The following TACR1 variants were observed in gnomAD, a reference collection of about 807,000 sequenced individuals.
The protein encoded by TACR1 is tachykinin receptor 1.
Under a neutral mutation model 35.8 loss-of-function variants are expected in TACR1, and 25 were observed. The ratio of observed to expected loss-of-function variants is 0.70; its 90% CI spans 0.51 to 0.98. TACR1 has a LOEUF of 0.98. TACR1 is among the 50% of genes least tolerant of loss of function. The pLI, the probability that TACR1 is intolerant of heterozygous loss-of-function variation, is 0.00. For missense variants in TACR1, 478 were observed against 522.9 expected, an observed-to-expected ratio of 0.91 and a Z score of 0.84; for synonymous variants, 195 against 206.7, an observed-to-expected ratio of 0.94 and a Z score of 0.48.
chr2:75,102,529 A>G (rs1050981233), intron 2 of TACR1, among the ~76,000 whole-genome samples: 6 of 152,164 alleles, frequency 3.9e-5, no homozygotes, highest in Non-Finnish European at 5.9e-5. Flanking sequence ...AAGACTTACT[A>G]TTTAAATCCT....
intron 2 of TACR1, among the ~76,000 whole-genome samples, chr2:75,098,737 G>A (rs1673471974): frequency 6.6e-6 from 1 of 152,098 alleles, no homozygotes; most frequent in Non-Finnish European, 1.5e-5. Flanking sequence ...AGCTAACCCA[G>A]TCTCTCCCAC....
intron 2 of TACR1, among the ~76,000 whole-genome samples, chr2:75,096,747 G>C (rs72918532): frequency 0.022 from 3,323 of 152,204 alleles, 113 homozygotes; most frequent in African/African-American, 0.075. Context: ...TTCTGTCAGT[G>C]ACCTTGCCTC....
At chr2:75,164,770 C>T (rs1675100426) in intron 1 of TACR1, among the ~76,000 whole-genome samples, 3 of 152,312 alleles carry the variant, frequency 2.0e-5, no homozygotes, top group South Asian at 2.1e-4. Flanking sequence ...CATTTGGGCT[C>T]CTGTCTCACC....
chr2:75,122,145 T>C (rs1673982748), intron 1 of TACR1, among the ~76,000 whole-genome samples: 1 of 152,180 alleles, frequency 6.6e-6, no homozygotes, highest in Non-Finnish European at 1.5e-5. Flanking sequence ...AGCAGTAGGA[T>C]AAGTGACCTC....
At chr2:75,181,279 G>C (rs1675551702) in intron 1 of TACR1, among the ~76,000 whole-genome samples, 1 of 151,814 alleles carries the variant, frequency 6.6e-6, no homozygotes, top group Non-Finnish European at 1.5e-5. Flanking sequence ...TAAAAATTGA[G>C]GGATCATTTT....
At chr2:75,172,309 G>A (rs1353839437) in intron 1 of TACR1, among the ~76,000 whole-genome samples, 1 of 152,150 alleles carries the variant, frequency 6.6e-6, no homozygotes, top group Non-Finnish European at 1.5e-5. Flanking sequence ...CCAAGTTTTT[G>A]AACCTAGAAA....
chr2:75,108,240 A>T, intron 2 of TACR1, among the ~76,000 whole-genome samples: 1 of 149,368 alleles, frequency 6.7e-6, no homozygotes, highest in East Asian at 1.9e-4. Context: ...AACAAATATT[A>T]CTTTTTGATA....
At chr2:75,066,909 A>G (rs543538097) in intron 2 of TACR1, among the ~76,000 whole-genome samples, 2 of 152,242 alleles carry the variant, frequency 1.3e-5, no homozygotes, top group Middle Eastern at 3.4e-3. Flanking sequence ...AGATTTTTCT[A>G]CCTCCCCAAG....
chr2:75,162,953 A>G (rs1445228369), intron 1 of TACR1, among the ~76,000 whole-genome samples: 3 of 152,240 alleles, frequency 2.0e-5, no homozygotes, highest in Non-Finnish European at 4.4e-5. Context: ...CTGGTCCCAT[A>G]AGAGATTATA....
At chr2:75,061,187 G>T (rs1672665679) in intron 2 of TACR1, among the ~76,000 whole-genome samples, 2 of 151,644 alleles carry the variant, frequency 1.3e-5, no homozygotes, top group African/African-American at 4.9e-5. Flanking sequence ...AATTCCAGGG[G>T]AGAGGCTGGA....
intron 1 of TACR1, among the ~76,000 whole-genome samples, chr2:75,160,797 A>G (rs1572968642): frequency 1.4e-5 from 1 of 69,526 alleles, no homozygotes; most frequent in Middle Eastern, 6.5e-3. Context: ...TCCTTAATGA[A>G]TAAAAGTTGG....
intron 2 of TACR1, among the ~76,000 whole-genome samples, chr2:75,095,405 C>A (rs969730120): frequency 6.6e-6 from 1 of 152,136 alleles, no homozygotes; most frequent in South Asian, 2.1e-4. Flanking sequence ...AGGGAATTCA[C>A]TGGAGGGTAA....
chr2:75,196,560 G>T (rs1180204183), intron 1 of TACR1, among the ~76,000 whole-genome samples: 1 of 152,170 alleles, frequency 6.6e-6, no homozygotes, highest in Non-Finnish European at 1.5e-5. Context: ...GTATCACAGA[G>T]GGTCGGGGCT....
At chr2:75,083,562 G>C (rs1261028893) in intron 2 of TACR1, among the ~76,000 whole-genome samples, 1 of 152,164 alleles carries the variant, frequency 6.6e-6, no homozygotes, top group Non-Finnish European at 1.5e-5. Flanking sequence ...CCATGAGCAT[G>C]GAATGTTCTT....
chr2:75,174,007 A>G (rs1675352734), intron 1 of TACR1, among the ~76,000 whole-genome samples: 1 of 152,140 alleles, frequency 6.6e-6, no homozygotes, highest in Admixed American at 6.5e-5. Flanking sequence ...GAACAAAACA[A>G]TCATTCTCTT....
At chr2:75,075,278 G>T (rs983910889) in intron 2 of TACR1, among the ~76,000 whole-genome samples, 8 of 152,180 alleles carry the variant, frequency 5.3e-5, no homozygotes, top group Admixed American at 5.2e-4. Flanking sequence ...CCAGGTGTTG[G>T]TATGGACATG....
chr2:75,198,266 G>T (rs1676040878), intron 1 of TACR1, among the ~76,000 whole-genome samples: 1 of 152,154 alleles, frequency 6.6e-6, no homozygotes, highest in Non-Finnish European at 1.5e-5. Flanking sequence ...GAAAGTGTCA[G>T]GAAGATGAGT....
intron 2 of TACR1, 67 bp from the exon 3 acceptor site, chr2:75,053,822 A>T: frequency 3.8e-6 from 6 of 1,593,024 alleles, no homozygotes; most frequent in African/African-American, 1.3e-5. Context: ...AATTTTTGTT[A>T]TTGTTATTGC....
intron 1 of TACR1, among the ~76,000 whole-genome samples, chr2:75,154,754 CCTGT>C (rs1259977513): frequency 6.6e-6 from 1 of 152,024 alleles, no homozygotes; most frequent in Non-Finnish European, 1.5e-5. Flanking sequence ...CAGGTCTCTC[CCTGT>C]CTATCTACCC....
Sources: gnomAD v4.1 joint callset for allele counts (sites outside exome capture counted in the v4.1 genomes callset) on GRCh38, gnomAD v4.1.1 for gene constraint, MANE v1.5 for transcripts, NCBI Gene and HGNC (gene_info 2026-07-23, HGNC 2026-07-21) for gene names.